The following SLIT2 variants were observed in gnomAD, a reference collection of about 807,000 sequenced individuals.
The protein encoded by SLIT2 is slit guidance ligand 2.
Under a neutral mutation model 185.7 loss-of-function variants are expected in SLIT2, and 41 were observed. That is an observed-to-expected ratio of 0.22 (90% CI 0.17 to 0.29). The LOEUF is 0.29. Ranked by LOEUF, SLIT2 falls within the 10% of genes least tolerant of loss-of-function variation. SLIT2 has a pLI of 1.00. For synonymous variants in SLIT2, 693 were observed against 680.2 expected, an observed-to-expected ratio of 1.02 and a Z score of -0.29; for missense variants, 1,571 against 1,909.0, an observed-to-expected ratio of 0.82 and a Z score of 3.30.
Position 20,390,994 on chromosome 4 carries a change from T to A in SLIT2, c.396-76758T>A, listed in dbSNP as rs534341269. 5.7e-4 allele frequency among the ~76,000 whole-genome samples: 86 copies of A among 152,144 alleles called. No homozygotes were observed. In the South Asian group the frequency reaches 0.014, roughly 25 times the overall value. On this transcript the variant is annotated intron_variant, in intron 4 of 36. Transcript: ENST00000504154. ...ATCTTACATAATTTTTTCCAGAATT[T>A]TAATTTTACGGTGCCCATAAATAAT... is the stretch of plus-strand genomic sequence containing the variant.
chr4:20,439,314 T>A (rs1317114695), intron 4 of SLIT2, among the ~76,000 whole-genome samples: 2 of 152,216 alleles, frequency 1.3e-5, no homozygotes, highest in Non-Finnish European at 2.9e-5. Flanking sequence ...AAATTTATTG[T>A]CTCACAGTTC....
At chr4:20,474,553 A>G (rs757708638) in intron 5 of SLIT2, among the ~76,000 whole-genome samples, 11 of 152,152 alleles carry the variant, frequency 7.2e-5, no homozygotes, top group Non-Finnish European at 1.5e-4. Context: ...AACACAAAAC[A>G]CAAGATAGTC....
Position 20,567,374 on chromosome 4 carries a change from A to C in SLIT2, c.2838A>C (p.Pro946=), listed in dbSNP as rs751477249. 3.1e-6 allele frequency: 5 copies of C among 1,613,286 alleles called. No individual in the cohort carries two copies. Among genetic ancestry groups the C allele is most frequent in the Non-Finnish European group, 4.2e-6 (5 of 1,179,442 alleles). Residue 946 remains proline, a synonymous_variant, in exon 27 of 37, where the codon CCA becomes CCC. Transcript: ENST00000504154. ...TTGACTTTTACCGATGCACCTGTCC[A>C]TATGGTTTCAAGGTAAGTAAAAGCA... ...DPVDFYRCTC[P]YGFKGQDCDV... is the part of the protein sequence containing the mutation.
chr4:20,577,536 G>A (rs1260113280), intron 29 of SLIT2, among the ~76,000 whole-genome samples: 1 of 152,202 alleles, frequency 6.6e-6, no homozygotes, highest in Admixed American at 6.5e-5. Context: ...GCATCTGCCT[G>A]TGTTACTGTG....
In SLIT2 at chr4:20,252,226, C is replaced by T. The variant is rs1407055591; in HGVS notation, c.-1590C>T. Among the ~76,000 whole-genome samples the T allele has an allele frequency of 6.6e-6, 1 of 152,154 alleles. No individual in the cohort carries two copies. The highest frequency in any genetic ancestry group is 1.5e-5 in the Non-Finnish European group (1 of 68,030). ...GAACAACTCCAGTTACGACAACAAC[C>T]CACCTTCCTTCCAGACAAGCGAGAC... is the stretch of plus-strand genomic sequence containing the variant. On this transcript the variant is annotated 5_prime_UTR_variant, in exon 1 of 37. Transcript: ENST00000504154.
chr4:20,291,708 G>A (rs777054271), intron 4 of SLIT2, among the ~76,000 whole-genome samples: 4 of 151,616 alleles, frequency 2.6e-5, no homozygotes, highest in South Asian at 4.2e-4. Flanking sequence ...TGGTGAAGGC[G>A]TATGTTCAAA....
intron 4 of SLIT2, among the ~76,000 whole-genome samples, chr4:20,389,718 G>T (rs1278341252): frequency 2.0e-5 from 3 of 152,034 alleles, no homozygotes; most frequent in Non-Finnish European, 4.4e-5. Flanking sequence ...CTGGTACTTT[G>T]AATGAGGAGC....
At chr4:20,551,006 G>T in intron 25 of SLIT2, 108 bp downstream of exon 25, 2 of 564,752 alleles carry the variant, frequency 3.5e-6, no homozygotes, top group Non-Finnish European at 6.2e-6. Context: ...AGATGTAATT[G>T]GTTTCATCTT....
intron 4 of SLIT2, among the ~76,000 whole-genome samples, chr4:20,322,226 A>G (rs1310331476): frequency 6.6e-6 from 1 of 152,178 alleles, no homozygotes; most frequent in Admixed American, 6.5e-5. Flanking sequence ...AACTACATGC[A>G]CCCATGACAC....
intron 30 of SLIT2, among the ~76,000 whole-genome samples, chr4:20,593,545 G>A (rs910429346): frequency 2.0e-5 from 3 of 152,010 alleles, no homozygotes; most frequent in African/African-American, 7.2e-5. Context: ...AAGTTCTAGA[G>A]ATCTAATATC....
chr4:20,548,465 C>T, intron 22 of SLIT2, 23 bp from the exon 23 acceptor site: 1 of 1,286,842 alleles, frequency 7.8e-7, no homozygotes, highest in Non-Finnish European at 1.1e-6. Context: ...TAATAGTGTA[C>T]TCCATTTCTT....
intron 33 of SLIT2, among the ~76,000 whole-genome samples, chr4:20,604,984 C>T (rs1728674914): frequency 6.6e-6 from 1 of 151,948 alleles, no homozygotes; most frequent in African/African-American, 2.4e-5. Context: ...TACAGGCATG[C>T]ACTACCATGC....
chr4:20,475,819 C>G (rs1289859433), intron 5 of SLIT2, among the ~76,000 whole-genome samples: 1 of 152,136 alleles, frequency 6.6e-6, no homozygotes, highest in Non-Finnish European at 1.5e-5. Flanking sequence ...AAAGCAGGTT[C>G]CCTCCCCATC....
At chr4:20,304,219 C>T (rs915595330) in intron 4 of SLIT2, among the ~76,000 whole-genome samples, 1 of 152,014 alleles carries the variant, frequency 6.6e-6, no homozygotes, top group Non-Finnish European at 1.5e-5. Flanking sequence ...ATGAATGATG[C>T]TACTTATCCC....
At chr4:20,551,379 T>C (rs1723739590) in intron 25 of SLIT2, among the ~76,000 whole-genome samples, 1 of 152,220 alleles carries the variant, frequency 6.6e-6, no homozygotes, top group Non-Finnish European at 1.5e-5. Flanking sequence ...AGTTTGGAAG[T>C]AAGACACAGC....
rs537876195 is a variant in SLIT2 at position 20,323,607 on chromosome 4, G to A, written c.395+54726G>A. 1.5e-4 allele frequency among the ~76,000 whole-genome samples: 23 copies of A among 151,976 alleles called. No individual in the cohort carries two copies. The East Asian group carries it at 1.9e-3, about 13-fold the overall frequency. Reference sequence around the variant, plus strand: ...AGTAGAATATAACATATACAATACCGGCCTCCAGCCACAGTGCTACTTCCC... The same window carrying A: ...AGTAGAATATAACATATACAATACCAGCCTCCAGCCACAGTGCTACTTCCC... On this transcript the variant is annotated intron_variant, in intron 4 of 36. Transcript: ENST00000504154.
chr4:20,539,368 T>G, intron 18 of SLIT2, 73 bp from the exon 19 acceptor site: 1 of 1,360,848 alleles, frequency 7.3e-7, no homozygotes, highest in South Asian at 1.4e-5. Flanking sequence ...CAAGGATCAT[T>G]TCGATCCTCA....
chr4:20,340,436 T>C (rs1720866827), intron 4 of SLIT2, among the ~76,000 whole-genome samples: 1 of 152,190 alleles, frequency 6.6e-6, no homozygotes, highest in Admixed American at 6.5e-5. Context: ...TATCTGTATC[T>C]TGTTCATTCA....
chr4:20,480,849 T>C (rs1716627593), intron 6 of SLIT2, 62 bp downstream of exon 6: 1 of 1,178,682 alleles, frequency 8.5e-7, no homozygotes, highest in African/African-American at 1.5e-5. Context: ...AGGACTAATG[T>C]GGAAGCTTAT....
Sources: allele counts gnomAD v4.1 joint callset (sites outside exome capture counted in the v4.1 genomes callset), GRCh38; gene constraint gnomAD v4.1.1; transcripts MANE v1.5; gene names NCBI Gene and HGNC (gene_info 2026-07-23, HGNC 2026-07-21).